Variants in CACNA1E observed in about 807,000 individuals in gnomAD.
CACNA1E encodes calcium voltage-gated channel subunit alpha1 E.
CACNA1E carries 40 observed loss-of-function variants against 259.2 expected under a neutral mutation model. The ratio of observed to expected loss-of-function variants is 0.15; its 90% CI spans 0.12 to 0.20. The LOEUF is 0.20. Among genes scored for constraint, CACNA1E ranks in the 10% least tolerant of loss-of-function variants. The probability of loss-of-function intolerance (pLI) is 1.00; values close to 1 mark genes in which losing one functional copy is unlikely to be tolerated. For synonymous variants in CACNA1E, 1,104 were observed against 1,138.5 expected (o/e 0.97, Z 0.61); for missense variants, 1,874 against 3,040.1 (o/e 0.62, Z 9.02).
intron 1 of CACNA1E, among the ~76,000 whole-genome samples, chr1:181,340,253 T>A (rs112235219): frequency 0.01 from 1,539 of 152,176 alleles, 34 homozygotes; most frequent in African/African-American, 0.034. Context: ...ATATTTCTTA[T>A]AGGTATATGC....
intron 7 of CACNA1E, among the ~76,000 whole-genome samples, chr1:181,687,305 G>A (rs375329232): frequency 5.9e-5 from 9 of 152,142 alleles, no homozygotes; most frequent in East Asian, 5.8e-4. Context: ...TAGGATCTAT[G>A]ACTCTTTATG....
chr1:181,481,137 A>T (rs1357322793), upstream of CACNA1E, among the ~76,000 whole-genome samples: 5 of 152,124 alleles, frequency 3.3e-5, no homozygotes, highest in Admixed American at 2.0e-4. Flanking sequence ...ACAGAAGAGG[A>T]CCCTCTGATT....
intron 44 of CACNA1E, among the ~76,000 whole-genome samples, chr1:181,792,039 G>A (rs772727380): frequency 5.9e-5 from 9 of 152,166 alleles, no homozygotes; most frequent in African/African-American, 1.9e-4. Flanking sequence ...TGTTCTTGAT[G>A]AGGCAGGTAG....
chr1:181,459,835 G>A (rs1661690224), intron 2 of CACNA1E, among the ~76,000 whole-genome samples: 1 of 152,222 alleles, frequency 6.6e-6, no homozygotes, highest in African/African-American at 2.4e-5. Context: ...CTGGAAGGTG[G>A]AGAGGAAATT....
rs114733742 is a variant in CACNA1E at position 181,722,468 on chromosome 1, C to T, written c.2074+593C>T. On this transcript the variant is annotated intron_variant, in intron 16 of 47. Transcript: ENST00000367573. ...ACTAAAGTCCAGTTCCATCTAACTC[C>T]AGTGCCCTATCCAATCACAAGATCT... 3.3e-3 allele frequency among the ~76,000 whole-genome samples: 495 copies of T among 152,304 alleles called. 2 individuals carry two copies. Among genetic ancestry groups the T allele is most frequent in the African/African-American group, 0.011 (454 of 41,564 alleles).
intron 35 of CACNA1E, among the ~76,000 whole-genome samples, chr1:181,769,394 A>G (rs1380262468): frequency 6.6e-6 from 1 of 150,864 alleles, no homozygotes; most frequent in Non-Finnish European, 1.5e-5. Context: ...CATCTTCACA[A>G]TAAATATGTG....
chr1:181,770,239 C>T (rs972892493), intron 35 of CACNA1E, among the ~76,000 whole-genome samples: 5 of 152,090 alleles, frequency 3.3e-5, no homozygotes, highest in Non-Finnish European at 7.4e-5. Flanking sequence ...GGAAAAGTAA[C>T]CCAGTAAGTC....
rs528431108 is a variant in CACNA1E, at chr1:181,455,554, G to A, written c.435-28190G>A. On this transcript the variant is annotated intron_variant, in intron 2 of 11. Coordinates refer to the CACNA1E transcript ENST00000524607. ...TTACCACAATAAAAACTGATCTTTG[G>A]CTCCTTTCAATTAACCAGGTCACTG... Among the ~76,000 whole-genome samples the A allele has an allele frequency of 1.9e-4, 29 of 152,254 alleles. No homozygotes were observed. The South Asian group carries it at 5.8e-3, about 30-fold the overall frequency.
intron 1 of CACNA1E, among the ~76,000 whole-genome samples, chr1:181,491,730 A>G (rs1420289425): frequency 1.3e-5 from 2 of 152,234 alleles, no homozygotes; most frequent in Admixed American, 6.5e-5. Context: ...GAGTTAGTTT[A>G]TCTTGTTCTT....
chr1:181,335,888 A>G (rs892685877), intron 1 of CACNA1E, among the ~76,000 whole-genome samples: 1 of 152,156 alleles, frequency 6.6e-6, no homozygotes, highest in East Asian at 1.9e-4. Flanking sequence ...CTTGGCCCCC[A>G]CCCTAGAGCA....
Position 181,758,561 on chromosome 1 carries a change from G to A in CACNA1E, c.4495-197G>A, listed in dbSNP as rs1207774876. On this transcript the variant is annotated intron_variant, in intron 31 of 47. Coordinates refer to ENST00000367573, the MANE Select transcript of CACNA1E (RefSeq NM_001205293.3). This position sits in a 1 kb window ranked among gnomAD's most constrained non-coding sequence, Gnocchi z 4.2. ...TTGCTATTAAGTCTGGTGGGGCGTG[G>A]GTCTGTGTTTTCCTTTGTTTTGTTG... Among the ~76,000 whole-genome samples, 1 of 152,074 alleles carries A rather than the reference G, an allele frequency of 6.6e-6. No individual in the cohort carries two copies. Among genetic ancestry groups the A allele is most frequent in the Non-Finnish European group, 1.5e-5 (1 of 68,028 alleles).
At chr1:181,669,439 C>G (rs1192733502) in intron 7 of CACNA1E, among the ~76,000 whole-genome samples, 2 of 152,204 alleles carry the variant, frequency 1.3e-5, no homozygotes, top group Non-Finnish European at 2.9e-5. Flanking sequence ...CTTCCACCCA[C>G]TGCTGTATTT....
At chr1:181,347,569 C>T (rs1243399308) in intron 1 of CACNA1E, among the ~76,000 whole-genome samples, 4 of 152,224 alleles carry the variant, frequency 2.6e-5, no homozygotes, top group African/African-American at 4.8e-5. Flanking sequence ...GCTCTGGGAT[C>T]GCCCATTCGA....
Position 181,768,784 on chromosome 1 carries a change from C to T in CACNA1E, c.4881+2173C>T, listed in dbSNP as rs545508874. ...TCCCCATCCTGGTCTATGACAGAGA[C>T]ACAGCACCAAGCACAAAGCAGACAC... On this transcript the variant is annotated intron_variant, in intron 35 of 47. Transcript: ENST00000367573. Among the ~76,000 whole-genome samples, 6 of 152,280 alleles carry T rather than the reference C, an allele frequency of 3.9e-5. No homozygotes were observed. The East Asian group carries it at 1.2e-3, about 29-fold the overall frequency.
At chr1:181,522,640 G>A (rs1667073236) in intron 3 of CACNA1E, among the ~76,000 whole-genome samples, 1 of 152,010 alleles carries the variant, frequency 6.6e-6, no homozygotes, top group East Asian at 1.9e-4. Flanking sequence ...TGTGATTTAG[G>A]GGCCCTTACA....
At chr1:181,349,383 T>C (rs1383930835) in intron 1 of CACNA1E, among the ~76,000 whole-genome samples, 2 of 152,170 alleles carry the variant, frequency 1.3e-5, no homozygotes, top group South Asian at 4.1e-4. Flanking sequence ...GCCCCAGTCT[T>C]GTTGGGAAGA....
intron 1 of CACNA1E, among the ~76,000 whole-genome samples, chr1:181,338,297 G>A (rs1025928409): frequency 2.6e-5 from 4 of 152,104 alleles, no homozygotes; most frequent in Admixed American, 2.6e-4. Context: ...TGTTGGCCAG[G>A]CTGGTCTTGA....
At chr1:181,688,135 A>G (rs1650773069) in intron 7 of CACNA1E, among the ~76,000 whole-genome samples, 1 of 152,218 alleles carries the variant, frequency 6.6e-6, no homozygotes, top group Admixed American at 6.5e-5. Flanking sequence ...TAAGTGATAG[A>G]ACATTACTGA....
intron 1 of CACNA1E, among the ~76,000 whole-genome samples, chr1:181,395,412 T>C (rs1419904058): frequency 2.6e-5 from 4 of 152,144 alleles, no homozygotes; most frequent in Non-Finnish European, 4.4e-5. Flanking sequence ...AGAGAAGTCA[T>C]GGAGGCACCT....
Sources: gnomAD v4.1 joint callset for allele counts (sites outside exome capture counted in the v4.1 genomes callset) on GRCh38, gnomAD v4.1.1 for gene constraint, Gnocchi (gnomAD v3.1) non-coding constraint, MANE v1.5 for transcripts, NCBI Gene and HGNC (gene_info 2026-07-23, HGNC 2026-07-21) for gene names.